The following KIF26B variants were observed in gnomAD, a reference collection of about 807,000 sequenced individuals.
The protein encoded by KIF26B is kinesin-like protein KIF26B.
Under a neutral mutation model 151.2 loss-of-function variants are expected in KIF26B, and 63 were observed. The ratio of observed to expected loss-of-function variants is 0.42; its 90% CI spans 0.34 to 0.51. KIF26B has a LOEUF of 0.51. KIF26B is among the 20% of genes least tolerant of loss of function. The probability of loss-of-function intolerance (pLI) is 0.07; values close to 1 mark genes in which losing one functional copy is unlikely to be tolerated. For synonymous variants in KIF26B, 1,357 were observed against 1,262.1 expected, an observed-to-expected ratio of 1.08 and a Z score of -1.59; for missense variants, 2,813 against 2,913.6, an observed-to-expected ratio of 0.97 and a Z score of 0.79.
At chr1:245,623,422 ATATATT>A (rs1239961678) in intron 9 of KIF26B, among the ~76,000 whole-genome samples, 1 of 152,152 alleles carries the variant, frequency 6.6e-6, no homozygotes, top group African/African-American at 2.4e-5. Flanking sequence ...TCAATAGTTC[ATATATT>A]TATATTTCTG....
At chr1:245,267,099 CTCCTGCT>C (rs1670760584) in intron 2 of KIF26B, among the ~76,000 whole-genome samples, 3 of 152,218 alleles carry the variant, frequency 2.0e-5, no homozygotes, top group African/African-American at 7.2e-5. Flanking sequence ...AAATGCTCAG[CTCCTGCT>C]ATATGCATTT....
intron 4 of KIF26B, among the ~76,000 whole-genome samples, chr1:245,533,097 A>T (rs528648585): frequency 6.6e-6 from 1 of 152,134 alleles, no homozygotes. Flanking sequence ...CATGGACCGG[A>T]TGGTTTTTCT....
rs746602828 is a variant in KIF26B, at chr1:245,611,808, G to A, written c.1930G>A (p.Glu644Lys). ...TGTCTTCCAGCTGCAGAACCAGAGC[G>A]AGCTGCGGGCCCCCACCGCAGAGAA... ...ICGTQLQNQS[E>K]LRAPTAEKAA... The change falls in exon 9 of 15, where the codon GAG becomes AAG. Residue 644 changes from glutamate (E) to lysine (K), a missense_variant. By Grantham distance (56) the Glu-to-Lys change is moderately conservative. Transcript: ENST00000407071. 17 of 1,613,614 alleles carry A rather than the reference G, an allele frequency of 1.1e-5. No homozygotes were observed. Among genetic ancestry groups the A allele is most frequent in the Non-Finnish European group, 1.4e-5 (17 of 1,179,832 alleles).
Position 245,383,252 on chromosome 1 carries a change from T to C in KIF26B, c.999+15885T>C, listed in dbSNP as rs545550560. ...TTGGTGAATTTAGAAAACCGAGGCA[T>C]CCCTCACGTCTGAACACGGTATCCC... On this transcript the variant is annotated intron_variant, in intron 3 of 14. Coordinates refer to ENST00000407071, the MANE Select transcript of KIF26B (RefSeq NM_018012.4). 2.0e-5 allele frequency among the ~76,000 whole-genome samples: 3 copies of C among 152,030 alleles called. No homozygotes were observed. In the South Asian group the frequency reaches 6.2e-4, roughly 32 times the overall value.
intron 6 of KIF26B, among the ~76,000 whole-genome samples, chr1:245,607,361 C>A (rs1474537748): frequency 6.6e-6 from 1 of 152,142 alleles, no homozygotes; most frequent in Non-Finnish European, 1.5e-5. Flanking sequence ...GCACACTGTG[C>A]CCCCATTCCA....
At chr1:245,413,259 G>A (rs1209406537) in intron 3 of KIF26B, among the ~76,000 whole-genome samples, 1 of 152,178 alleles carries the variant, frequency 6.6e-6, no homozygotes, top group Non-Finnish European at 1.5e-5. Flanking sequence ...CATGTTAGAT[G>A]GATATTTGGA....
intron 2 of KIF26B, among the ~76,000 whole-genome samples, chr1:245,212,296 T>G: frequency 6.6e-6 from 1 of 152,174 alleles, no homozygotes; most frequent in East Asian, 1.9e-4. Flanking sequence ...GGAGTCTTGC[T>G]CATGATAAAA....
chr1:245,485,530 C>T (rs1261676751), intron 4 of KIF26B, among the ~76,000 whole-genome samples: 2 of 151,952 alleles, frequency 1.3e-5, no homozygotes, highest in Non-Finnish European at 2.9e-5. Flanking sequence ...ATTACAGGCG[C>T]CTGCCACCAC....
chr1:245,210,906 T>A (rs1421575122), intron 2 of KIF26B, among the ~76,000 whole-genome samples: 1 of 152,118 alleles, frequency 6.6e-6, no homozygotes, highest in Non-Finnish European at 1.5e-5. Flanking sequence ...CACATTTGCC[T>A]CTCCACAGCT....
chr1:245,398,788 T>A lies in KIF26B; in HGVS notation c.1000-20791T>A, dbSNP rs913580090. 5.7e-4 allele frequency among the ~76,000 whole-genome samples: 86 copies of A among 151,158 alleles called. 1 individual carries two copies. Among genetic ancestry groups the A allele is most frequent in the Admixed American group, 1.4e-3 (22 of 15,192 alleles). ...TAAAATTTTTATAAAATTATAAATT[T>A]TATATATATATAATTTCCTGGAAAT... On this transcript the variant is annotated intron_variant, in intron 3 of 14. Coordinates refer to ENST00000407071, the MANE Select transcript of KIF26B (RefSeq NM_018012.4).
chr1:245,616,563 T>C (rs2043592579), intron 9 of KIF26B, among the ~76,000 whole-genome samples: 1 of 152,240 alleles, frequency 6.6e-6, no homozygotes, highest in African/African-American at 2.4e-5. Flanking sequence ...ATTTCATGTA[T>C]GTTTCATATA....
intron 9 of KIF26B, among the ~76,000 whole-genome samples, chr1:245,637,579 A>G (rs1373986272): frequency 6.6e-6 from 1 of 152,006 alleles, no homozygotes; most frequent in South Asian, 2.1e-4. Context: ...TACCCCAAAA[A>G]TATTCGCCAA....
intron 4 of KIF26B, among the ~76,000 whole-genome samples, chr1:245,522,381 G>C (rs145574975): frequency 6.6e-6 from 1 of 152,140 alleles, no homozygotes; most frequent in South Asian, 2.1e-4. Flanking sequence ...TTGATTTTGC[G>C]CACATGCTCT....
At chr1:245,627,443 C>A (rs2043735882) in intron 9 of KIF26B, among the ~76,000 whole-genome samples, 1 of 151,968 alleles carries the variant, frequency 6.6e-6, no homozygotes. Flanking sequence ...TCAATGAGAA[C>A]AAAAAGACGA....
At chr1:245,423,741 A>T (rs1658553619) in intron 4 of KIF26B, among the ~76,000 whole-genome samples, 1 of 152,148 alleles carries the variant, frequency 6.6e-6, no homozygotes, top group African/African-American at 2.4e-5. Context: ...TTTCTGGATA[A>T]ATGTTGGTGT....
chr1:245,504,879 C>T (rs1660701527), intron 4 of KIF26B, among the ~76,000 whole-genome samples: 1 of 152,164 alleles, frequency 6.6e-6, no homozygotes. Flanking sequence ...GAATAAATCC[C>T]TAATTTCCTA....
At chr1:245,665,157 T>C (rs1233050403) in intron 10 of KIF26B, among the ~76,000 whole-genome samples, 2 of 152,220 alleles carry the variant, frequency 1.3e-5, no homozygotes, top group Non-Finnish European at 2.9e-5. Flanking sequence ...TTTGAGCTCT[T>C]GTCATCTATA....
intron 2 of KIF26B, among the ~76,000 whole-genome samples, chr1:245,338,339 G>A (rs150098656): frequency 3.9e-5 from 6 of 152,314 alleles, no homozygotes; most frequent in South Asian, 2.1e-4. Flanking sequence ...AAACAACCAT[G>A]CTCATTCATT....
At chr1:245,476,008 A>G (rs1660030489) in intron 4 of KIF26B, among the ~76,000 whole-genome samples, 1 of 151,890 alleles carries the variant, frequency 6.6e-6, no homozygotes. Flanking sequence ...GAAGTAACCC[A>G]AAGGTCTATC....
Sources: gnomAD v4.1 joint callset for allele counts (sites outside exome capture counted in the v4.1 genomes callset) on GRCh38, gnomAD v4.1.1 for gene constraint, MANE v1.5 for transcripts, NCBI Gene and HGNC (gene_info 2026-07-23, HGNC 2026-07-21) for gene names.